Variants in ANKLE2 observed in about 807,000 individuals in gnomAD.
The protein encoded by ANKLE2 is ankyrin repeat and LEM domain-containing protein 2.
Under a neutral mutation model 84.2 loss-of-function variants are expected in ANKLE2, and 55 were observed. The ratio of observed to expected loss-of-function variants is 0.65; its 90% CI spans 0.53 to 0.82. The LOEUF is 0.82. Among genes scored for constraint, ANKLE2 ranks in the 40% least tolerant of loss-of-function variants. The probability of loss-of-function intolerance (pLI) is 0.00; values close to 1 mark genes in which losing one functional copy is unlikely to be tolerated. For missense variants in ANKLE2, 1,238 were observed against 1,201.9 expected (o/e 1.03, Z -0.44); for synonymous variants, 551 against 486.1 (o/e 1.13, Z -1.76).
rs771529368 is a variant in ANKLE2, at chr12:132,748,139, T to C, written c.1040A>G (p.Gln347Arg). The part of the protein sequence containing the change: ...IGSGDNPTIV[Q>R]EGCRYNVMHV... The stretch of plus-strand genomic sequence containing the variant: ...CCCGAGGGAACCGCCGAGACCTACC[T>C]GCACGATAGTGGGGTTGTCTCCTGA... Residue 347 changes from glutamine to arginine, a missense_variant and splice_region_variant, in exon 4 of 13, where the codon CAG (glutamine) becomes CGG (arginine). Coordinates refer to ENST00000357997, the MANE Select transcript of ANKLE2 (RefSeq NM_015114.3). 1.9e-6 allele frequency: 3 copies of C among 1,612,828 alleles called. No homozygotes were observed. The highest frequency in any genetic ancestry group is 1.1e-5 in the South Asian group (1 of 90,942).
intron 2 of ANKLE2, 85 bp from the exon 3 acceptor site, chr12:132,750,934 C>G: frequency 8.3e-7 from 1 of 1,210,032 alleles, no homozygotes; most frequent in South Asian, 1.3e-5. Flanking sequence ...TAACCATCAG[C>G]TTCCACATCT....
In ANKLE2 at chr12:132,750,767, A is replaced by G. The variant is rs1244569629; in HGVS notation, c.723T>C (p.Ser241=). 4 of 1,614,138 alleles carry G rather than the reference A, an allele frequency of 2.5e-6. No homozygotes were observed. The highest frequency in any genetic ancestry group is 3.4e-6 in the Non-Finnish European group (4 of 1,180,058). The change falls in exon 3 of 13, where the codon TCT becomes TCC. Residue 241 remains serine (S), a synonymous_variant. Transcript: ENST00000357997. ...MIKGSRFKAF[S]TREDAEKFAR... is the part of the protein sequence containing the mutation. ...CAAATTTCTCAGCGTCTTCTCTGGT[A>G]GAAAAAGCTTTAAATCGGGACCCTT...
Position 132,756,650 on chromosome 12 carries a change from G to A in ANKLE2, c.182-1517C>T, listed in dbSNP as rs1474125954. ...TTTACATACTCAAATAAGTAAAGCC[G>A]GGTGCGGTGGCTCACGCCTGTAATC... On this transcript the variant is annotated intron_variant, in intron 1 of 12. Transcript: ENST00000357997. 10 of 152,332 alleles carry A rather than the reference G, an allele frequency of 6.6e-5. No individual in the cohort carries two copies. The East Asian group carries it at 1.4e-3, about 21-fold the overall frequency. The allele number at this position is 152,332 out of a possible 1,614,324, so 9.4% of individuals were successfully genotyped here. A position where few individuals can be genotyped will look rare whatever the true frequency, so the allele number is the denominator to read the frequency against.
At position 132,729,939 on chromosome 12, in the gene ANKLE2, C is replaced by T. The variant is rs766158600; in HGVS notation, c.2223G>A (p.Leu741=). 9 of 1,613,562 alleles carry T rather than the reference C, an allele frequency of 5.6e-6. No homozygotes were observed. Among genetic ancestry groups the T allele is most frequent in the Non-Finnish European group, 7.6e-6 (9 of 1,179,920 alleles). ...DLTVEFDKLN[L]QNIGRSVSKT... is the part of the protein sequence containing the mutation. ...TGGAAACGCTACGTCCTATATTTTG[C>T]AAATTCAGTTTATCAAACTCAACAG... The change falls in exon 11 of 13, where the codon TTG becomes TTA. Residue 741 remains leucine, a synonymous_variant. Transcript: ENST00000357997.
chr12:132,738,516 A>G (rs575617064), intron 7 of ANKLE2: 1 of 146,362 alleles, frequency 6.8e-6, no homozygotes, highest in South Asian at 2.2e-4. Flanking sequence ...AAGGCTTATC[A>G]TAGTTTCATA....
At chr12:132,751,046 T>C (rs926321321) in intron 2 of ANKLE2, 197 bp from the exon 3 acceptor site, 1 of 583,580 alleles carries the variant, frequency 1.7e-6, no homozygotes, top group Non-Finnish European at 3.0e-6. Context: ...TGTGCATATA[T>C]GCATGTAACA....
chr12:132,732,317 G>A, intron 10 of ANKLE2: 2 of 136,792 alleles, frequency 1.5e-5, no homozygotes, highest in East Asian at 2.2e-4. Context: ...TCTGCGTCCT[G>A]GTGTCTGATA....
chr12:132,730,640 A>C (rs1468581083), intron 10 of ANKLE2: 1 of 245,524 alleles, frequency 4.1e-6, no homozygotes, highest in Non-Finnish European at 8.1e-6. Context: ...TGGGCAACAT[A>C]GCGAAACCCC....
intron 1 of ANKLE2, 28 bp downstream of exon 1, chr12:132,761,590 G>A (rs2044626797): frequency 8.2e-7 from 1 of 1,216,740 alleles, no homozygotes; most frequent in Non-Finnish European, 1.0e-6. Flanking sequence ...GCCAGGGTGC[G>A]GGGACCCAGC....
chr12:132,750,774 G>C lies in ANKLE2; in HGVS notation c.716C>G (p.Ala239Gly), dbSNP rs765918040. 1 of 1,614,200 alleles carries C rather than the reference G, an allele frequency of 6.2e-7. No homozygotes were observed. The highest frequency in any genetic ancestry group is 1.1e-5 in the South Asian group (1 of 91,082). Reference protein sequence around the residue: ...VKMIKGSRFKAFSTREDAEKF... With the variant: ...VKMIKGSRFKGFSTREDAEKF... ...CTCAGCGTCTTCTCTGGTAGAAAAA[G>C]CTTTAAATCGGGACCCTTTGATCAT... Residue 239 changes from alanine to glycine, a missense_variant, in exon 3 of 13, where the codon GCT becomes GGT. Physicochemically the swap from Ala to Gly is moderately conservative, Grantham distance 60. Coordinates refer to ENST00000357997, the MANE Select transcript of ANKLE2 (RefSeq NM_015114.3).
rs369320391 is a variant in ANKLE2, at chr12:132,729,679, C to G, written c.2483G>C (p.Gly828Ala). ...REPARRLFLF[G>A]EEPSKLDQDV... is the part of the protein sequence containing the mutation. ...AGTGCAGAGGGCAACACACTCCTAC[C>G]CAAAAAGGAAGAGCCGCCTGGCCGG... is the stretch of plus-strand genomic sequence containing the variant. The change falls in exon 11 of 13, where the codon GGA becomes GCA. Residue 828 changes from glycine to alanine, a missense_variant and splice_region_variant. By Grantham distance (60) the Gly-to-Ala change is moderately conservative. Coordinates refer to ENST00000357997, the MANE Select transcript of ANKLE2 (RefSeq NM_015114.3). 3.1e-6 allele frequency: 5 copies of G among 1,595,426 alleles called. No individual in the cohort carries two copies. In the African/African-American group the frequency reaches 7.1e-5, roughly 23 times the overall value.
Position 132,761,692 on chromosome 12 carries a change from C to CCCAGCCGCCGCA in ANKLE2, c.95_106dup (p.Val32_Leu35dup). On this transcript the variant is annotated inframe_insertion, in exon 1 of 13. Transcript: ENST00000357997. ...GCGGCCCAGACCTCCCGGCCGCGGG[C>CCCAGCCGCCGCA]CCAGCCGCCGCACCAGCCACCGCAC... 1 of 1,348,124 alleles carries CCCAGCCGCCGCA rather than the reference C, an allele frequency of 7.4e-7. No individual in the cohort carries two copies. The highest frequency in any genetic ancestry group is 9.6e-7 in the Non-Finnish European group (1 of 1,042,266). The allele number at this position is 1,348,124 out of a possible 1,614,324, so 83.5% of individuals were successfully genotyped here.
At chr12:132,761,392 C>A (rs1219837172) in intron 1 of ANKLE2, 1 of 348,768 alleles carries the variant, frequency 2.9e-6, no homozygotes, top group East Asian at 4.5e-5. Context: ...AAAGCTCTCA[C>A]CCCCGAACCC....
At chr12:132,736,543 C>T (rs529370376) in intron 8 of ANKLE2, among the ~76,000 whole-genome samples, 129 of 148,460 alleles carry the variant, frequency 8.7e-4, no homozygotes, top group African/African-American at 3.1e-3. Flanking sequence ...TTCCTAGTCA[C>T]AACGGGCAGC....
Position 132,761,792 on chromosome 12 carries a change from ACAGCATCGCCGCCGCCCGGGCCG to A in ANKLE2, c.-17_6del. ...CACTCGGCCGCCGCCAGCCGCGGCC[ACAGCATCGCCGCCGCCCGGGCCG>A]CAGCCGCCGAGAAGCCCGCGCCCCG... On this transcript the variant is annotated start_lost and 5_prime_UTR_variant, in exon 1 of 13. Transcript: ENST00000357997. 1 of 1,123,092 alleles carries A rather than the reference ACAGCATCGCCGCCGCCCGGGCCG, an allele frequency of 8.9e-7. No individual in the cohort carries two copies. The highest frequency in any genetic ancestry group is 1.1e-6 in the Non-Finnish European group (1 of 920,776). The allele number at this position is 1,123,092 out of a possible 1,614,324, so 69.6% of individuals were successfully genotyped here.
chr12:132,755,199 G>T, intron 1 of ANKLE2, 66 bp from the exon 2 acceptor site: 2 of 1,382,242 alleles, frequency 1.4e-6, no homozygotes, highest in Non-Finnish European at 2.0e-6. Context: ...TGGGTGATGG[G>T]TACTAGGGTT....
chr12:132,739,213 T>C (rs1342720294), intron 7 of ANKLE2, among the ~76,000 whole-genome samples: 5 of 152,088 alleles, frequency 3.3e-5, no homozygotes, highest in African/African-American at 9.7e-5. Context: ...GACATGCAGG[T>C]TACCTATATA....
At position 132,748,091 on chromosome 12, in the gene ANKLE2, G is replaced by C. The variant is rs532029955; in HGVS notation, c.1041+47C>G. Reference sequence around the variant, plus strand: ...CACGCCCTGTGCGAGTGCTGCGATGGAACGGCCGGGACCGCACACCTGCCC... The same window carrying C: ...CACGCCCTGTGCGAGTGCTGCGATGCAACGGCCGGGACCGCACACCTGCCC... On this transcript the variant is annotated intron_variant, in intron 4 of 12. Coordinates refer to ENST00000357997, the MANE Select transcript of ANKLE2 (RefSeq NM_015114.3). 2.7e-5 allele frequency: 43 copies of C among 1,606,370 alleles called. No homozygotes were observed. In the South Asian group the frequency reaches 4.2e-4, roughly 16 times the overall value.
At chr12:132,738,676 C>G (rs1440710300) in intron 7 of ANKLE2, 2 of 152,080 alleles carry the variant, frequency 1.3e-5, no homozygotes, top group Non-Finnish European at 2.9e-5. Context: ...AGGTGCCCAC[C>G]ACCACACCTG....
Sources: allele counts gnomAD v4.1 joint callset (sites outside exome capture counted in the v4.1 genomes callset), GRCh38; gene constraint gnomAD v4.1.1; transcripts MANE v1.5; gene names NCBI Gene and HGNC (gene_info 2026-07-23, HGNC 2026-07-21).